The following DPP10 variants were observed in gnomAD, a reference collection of about 807,000 sequenced individuals.
DPP10 encodes inactive dipeptidyl peptidase 10.
Under a neutral mutation model 120.9 loss-of-function variants are expected in DPP10, and 33 were observed. The ratio of observed to expected loss-of-function variants is 0.27; its 90% CI spans 0.21 to 0.37. The LOEUF (loss-of-function observed/expected upper bound fraction) is 0.37, where lower values mean the gene tolerates loss of function less well. Among genes scored for constraint, DPP10 ranks in the 10% least tolerant of loss-of-function variants. The pLI is 1.00. For missense variants in DPP10, 816 were observed against 942.8 expected (o/e 0.87, Z 1.76); for synonymous variants, 337 against 326.1 (o/e 1.03, Z -0.36).
At chr2:115,559,311 C>A (rs2080418595) in intron 5 of DPP10, among the ~76,000 whole-genome samples, 1 of 152,016 alleles carries the variant, frequency 6.6e-6, no homozygotes, top group South Asian at 2.1e-4. Context: ...ATTGTGAAAT[C>A]CTCCAAAAGG....
chr2:114,571,307 C>T, intron 1 of DPP10, among the ~76,000 whole-genome samples: 1 of 152,048 alleles, frequency 6.6e-6, no homozygotes, highest in Non-Finnish European at 1.5e-5. Flanking sequence ...GGTGCCTCCT[C>T]ACTCTCTCTT....
intron 1 of DPP10, chr2:114,707,035 C>T (rs147503109): frequency 1.3e-5 from 2 of 152,244 alleles, no homozygotes; most frequent in Admixed American, 6.5e-5. Context: ...CAAGAGGCAT[C>T]CTGACTTTGG....
At chr2:114,743,776 G>T (rs912088254) in intron 1 of DPP10, among the ~76,000 whole-genome samples, 1 of 151,962 alleles carries the variant, frequency 6.6e-6, no homozygotes, top group Non-Finnish European at 1.5e-5. Flanking sequence ...AAAACAAGAA[G>T]TTTCATAGAG....
At chr2:115,675,826 G>C (rs1388659511) in intron 5 of DPP10, among the ~76,000 whole-genome samples, 2 of 152,130 alleles carry the variant, frequency 1.3e-5, no homozygotes, top group Non-Finnish European at 2.9e-5. Flanking sequence ...TTGAGAGCAT[G>C]GTCACCATCA....
chr2:114,928,389 A>G (rs1234732626), intron 1 of DPP10, among the ~76,000 whole-genome samples: 1 of 152,198 alleles, frequency 6.6e-6, no homozygotes. Flanking sequence ...CAGGCCCCAC[A>G]CAAGTCTGAA....
chr2:114,629,985 A>C (rs1362399347), intron 1 of DPP10, among the ~76,000 whole-genome samples: 1 of 152,160 alleles, frequency 6.6e-6, no homozygotes, highest in Non-Finnish European at 1.5e-5. Flanking sequence ...ATACAGTGTT[A>C]AGTAAAAACA....
chr2:115,077,223 A>C (rs1707880662), intron 1 of DPP10, among the ~76,000 whole-genome samples: 1 of 152,242 alleles, frequency 6.6e-6, no homozygotes, highest in Non-Finnish European at 1.5e-5. Flanking sequence ...TAATCAAAAT[A>C]ACATGAGTAA....
At chr2:115,782,282 A>T in intron 16 of DPP10, 70 bp from the exon 17 acceptor site, 1 of 1,384,714 alleles carries the variant, frequency 7.2e-7, no homozygotes. Flanking sequence ...AAAAACTATT[A>T]TGTAAACTTT....
intron 1 of DPP10, among the ~76,000 whole-genome samples, chr2:114,928,073 A>G (rs1204946424): frequency 6.6e-6 from 1 of 152,164 alleles, no homozygotes; most frequent in Admixed American, 6.5e-5. Flanking sequence ...CCAATCTCCA[A>G]CTTATGAGGT....
intron 1 of DPP10, among the ~76,000 whole-genome samples, chr2:114,872,368 C>T (rs1235312182): frequency 6.6e-6 from 1 of 152,114 alleles, no homozygotes; most frequent in East Asian, 1.9e-4. Context: ...GGAACACCCC[C>T]ATGATCGAAA....
intron 1 of DPP10, among the ~76,000 whole-genome samples, chr2:114,924,840 G>T (rs948854724): frequency 1.4e-4 from 21 of 152,116 alleles, no homozygotes; most frequent in Non-Finnish European, 4.4e-5. Context: ...AGCATTTACA[G>T]GAGTAAAACT....
At chr2:115,782,323 A>G in intron 16 of DPP10, 29 bp from the exon 17 acceptor site, 1 of 1,585,776 alleles carries the variant, frequency 6.3e-7, no homozygotes, top group Non-Finnish European at 8.6e-7. Context: ...ATCTTTAAAA[A>G]TATTTATACA....
chr2:115,369,385 T>C (rs1269017667), intron 3 of DPP10, among the ~76,000 whole-genome samples: 1 of 152,110 alleles, frequency 6.6e-6, no homozygotes, highest in African/African-American at 2.4e-5. Context: ...TAAATAGTTT[T>C]TCTATGAGTC....
At chr2:114,683,600 CT>C (rs1279625922) in intron 1 of DPP10, among the ~76,000 whole-genome samples, 1 of 133,234 alleles carries the variant, frequency 7.5e-6, no homozygotes, top group Non-Finnish European at 1.6e-5. Context: ...TTTTTTCTTT[CT>C]TTCTTGCTTG....
intron 5 of DPP10, among the ~76,000 whole-genome samples, chr2:115,549,088 G>A (rs2079705043): frequency 6.6e-6 from 1 of 152,120 alleles, no homozygotes; most frequent in East Asian, 1.9e-4. Context: ...CCTTTGCTAT[G>A]ATTCCAGAAG....
intron 1 of DPP10, among the ~76,000 whole-genome samples, chr2:114,572,975 T>G (rs1198206098): frequency 6.6e-6 from 1 of 152,236 alleles, no homozygotes; most frequent in Non-Finnish European, 1.5e-5. Context: ...CTTTTTCATT[T>G]AGTCTTTGTT....
chr2:114,467,466 T>C (rs1679499731), intron 1 of DPP10, among the ~76,000 whole-genome samples: 1 of 152,156 alleles, frequency 6.6e-6, no homozygotes, highest in Non-Finnish European at 1.5e-5. Flanking sequence ...GTTTGAAGCA[T>C]TGTGTGGATC....
chr2:115,228,376 T>C (rs988990544), intron 1 of DPP10, among the ~76,000 whole-genome samples: 2 of 152,130 alleles, frequency 1.3e-5, no homozygotes, highest in African/African-American at 4.8e-5. Context: ...AATTATACTC[T>C]TTTAGTTATT....
At position 115,313,038 on chromosome 2, in the gene DPP10, A is replaced by G. The variant is rs527603291; in HGVS notation, c.175+3685A>G. On this transcript the variant is annotated intron_variant, in intron 2 of 25. Coordinates refer to ENST00000410059, the MANE Select transcript of DPP10 (RefSeq NM_020868.6). ...GGAGTTCGAGACCATCCTGGCCAACATGGTGAAACCCCATATCTACTAAAA... is the reference window on the plus strand; with the variant it reads ...GGAGTTCGAGACCATCCTGGCCAACGTGGTGAAACCCCATATCTACTAAAA... Among the ~76,000 whole-genome samples, 58 of 152,250 alleles carry G rather than the reference A, an allele frequency of 3.8e-4. 1 individual carries two copies. Among genetic ancestry groups the G allele is most frequent in the African/African-American group, 1.3e-3 (56 of 41,554 alleles).
Sources: gnomAD v4.1 joint callset for allele counts (sites outside exome capture counted in the v4.1 genomes callset) on GRCh38, gnomAD v4.1.1 for gene constraint, MANE v1.5 for transcripts, NCBI Gene and HGNC (gene_info 2026-07-23, HGNC 2026-07-21) for gene names.